The following JAKMIP2 variants were observed in gnomAD, a reference collection of about 807,000 sequenced individuals.
The protein encoded by JAKMIP2 is janus kinase and microtubule-interacting protein 2.
A neutral mutation model predicts 115.0 loss-of-function variants in JAKMIP2; 25 were observed. That is an observed-to-expected ratio of 0.22 (90% CI 0.16 to 0.30). The LOEUF is 0.30. Among genes scored for constraint, JAKMIP2 ranks in the 10% least tolerant of loss-of-function variants. The probability of loss-of-function intolerance (pLI) is 1.00; values close to 1 mark genes in which losing one functional copy is unlikely to be tolerated. For synonymous variants in JAKMIP2, 334 were observed against 343.6 expected, an observed-to-expected ratio of 0.97 and a Z score of 0.31; for missense variants, 642 against 957.6, an observed-to-expected ratio of 0.67 and a Z score of 4.35.
intron 20 of JAKMIP2, among the ~76,000 whole-genome samples, chr5:147,607,693 T>C (rs1246926726): frequency 6.6e-6 from 1 of 152,194 alleles, no homozygotes; most frequent in Admixed American, 6.5e-5. Context: ...CCTCATAAAA[T>C]GAGTTAGGGA....
In JAKMIP2 at chr5:147,782,664, GGCAGCA is replaced by G. The variant is rs3840518; in HGVS notation, c.-363_-358del. On this transcript the variant is annotated 5_prime_UTR_variant, in exon 1 of 22. Transcript: ENST00000616793. ...TATCAGCAATAGAGGCGGCGGCGGC[GGCAGCA>G]GCAGCAGCAGCAGCATCACCAGTTG... The G allele has an allele frequency of 3.1e-6, 2 of 636,428 alleles. No homozygotes were observed. The highest frequency in any genetic ancestry group is 3.0e-5 in the East Asian group (1 of 33,740). The allele number at this position is 636,428 out of a possible 1,614,324, so 39.4% of individuals were successfully genotyped here.
chr5:147,660,582 T>C (rs145217981), intron 3 of JAKMIP2: 1 of 388,552 alleles, frequency 2.6e-6, no homozygotes, highest in East Asian at 7.2e-5. Context: ...CACAAAAACA[T>C]GCTGACTTTA....
Position 147,731,227 on chromosome 5 carries a change from T to C in JAKMIP2, c.-149+51229A>G, listed in dbSNP as rs190039746. 8.5e-5 allele frequency among the ~76,000 whole-genome samples: 13 copies of C among 152,238 alleles called. No individual in the cohort carries two copies. In the East Asian group the frequency reaches 2.3e-3, roughly 27 times the overall value. On this transcript the variant is annotated intron_variant, in intron 1 of 21. Coordinates refer to ENST00000616793, the MANE Select transcript of JAKMIP2 (RefSeq NM_001270941.2). ...CTGGTTTGACCATAAAAGGCACTGC[T>C]TGGAATTTTTAGAAAAAGAAATCAT...
At chr5:147,661,657 G>C in intron 2 of JAKMIP2, 2 of 543,462 alleles carry the variant, frequency 3.7e-6, no homozygotes, top group South Asian at 5.0e-5. Flanking sequence ...ATATTACTTT[G>C]TTCAGATGAA....
intron 1 of JAKMIP2, among the ~76,000 whole-genome samples, chr5:147,720,583 C>T (rs1753229538): frequency 1.3e-5 from 2 of 151,934 alleles, no homozygotes; most frequent in African/African-American, 2.4e-5. Flanking sequence ...TCCCTTCTCA[C>T]TTCATTTCAT....
At chr5:147,643,261 A>G (rs1342928626) in intron 7 of JAKMIP2, among the ~76,000 whole-genome samples, 2 of 152,176 alleles carry the variant, frequency 1.3e-5, no homozygotes, top group Admixed American at 6.5e-5. Context: ...ATGAATCATA[A>G]GTAATTATAA....
rs768172563 is a variant in JAKMIP2, at chr5:147,671,845, T to G, written c.-39A>C. ...ATGGAGTCTGTTGGTTTTTAATTTC[T>G]TTCAAGCAGGTGCTGCCATGTTACT... On this transcript the variant is annotated 5_prime_UTR_variant, in exon 2 of 22. Transcript: ENST00000616793. 2.3e-5 allele frequency: 34 copies of G among 1,505,374 alleles called. No homozygotes were observed. The East Asian group carries it at 2.5e-4, about 11-fold the overall frequency. The allele number at this position is 1,505,374 out of a possible 1,614,324, so 93.3% of individuals were successfully genotyped here. A position where few individuals can be genotyped will look rare whatever the true frequency, so the allele number is the denominator to read the frequency against.
At chr5:147,733,718 G>A (rs575950401) in intron 1 of JAKMIP2, among the ~76,000 whole-genome samples, 4 of 152,086 alleles carry the variant, frequency 2.6e-5, no homozygotes, top group Non-Finnish European at 5.9e-5. Flanking sequence ...TGCAGTGTTC[G>A]GTTTTCTGCT....
intron 1 of JAKMIP2, among the ~76,000 whole-genome samples, chr5:147,684,134 A>G (rs1760455716): frequency 6.6e-6 from 1 of 152,206 alleles, no homozygotes; most frequent in Admixed American, 6.5e-5. Flanking sequence ...AATGGAAGGT[A>G]GTCAACGTAT....
chr5:147,709,654 G>A (rs1003427009), intron 1 of JAKMIP2, among the ~76,000 whole-genome samples: 9 of 152,164 alleles, frequency 5.9e-5, no homozygotes, highest in African/African-American at 2.2e-4. Context: ...TTCAAGACCA[G>A]CTTGGCCAAG....
At position 147,769,148 on chromosome 5, in the gene JAKMIP2, C is replaced by G. The variant is rs563618359; in HGVS notation, c.-149+13308G>C. ...CTCCGCCTGGCACACAGCAGGTGCT[C>G]ATTCAGTACTCCTCCTTTGTACAAC... On this transcript the variant is annotated intron_variant, in intron 1 of 21. Coordinates refer to ENST00000616793, the MANE Select transcript of JAKMIP2 (RefSeq NM_001270941.2). Among the ~76,000 whole-genome samples, 18 of 152,184 alleles carry G rather than the reference C, an allele frequency of 1.2e-4. No homozygotes were observed. The Middle Eastern group carries it at 0.01, about 86-fold the overall frequency.
At chr5:147,604,042 C>CAG (rs1366196572) in intron 20 of JAKMIP2, among the ~76,000 whole-genome samples, 7 of 151,904 alleles carry the variant, frequency 4.6e-5, no homozygotes, top group South Asian at 2.1e-4. Flanking sequence ...TATGAATTAG[C>CAG]AGAGAGAGAG....
intron 3 of JAKMIP2, among the ~76,000 whole-genome samples, chr5:147,652,249 C>T (rs934235057): frequency 2.0e-5 from 3 of 152,020 alleles, no homozygotes; most frequent in African/African-American, 4.8e-5. Context: ...GTTGTGAAGC[C>T]GTATTTTTAA....
intron 20 of JAKMIP2, among the ~76,000 whole-genome samples, chr5:147,610,740 G>A (rs1756274711): frequency 6.6e-6 from 1 of 152,230 alleles, no homozygotes; most frequent in Admixed American, 6.5e-5. Flanking sequence ...TCTCTTCAGA[G>A]CCAGCAGGCA....
intron 1 of JAKMIP2, among the ~76,000 whole-genome samples, chr5:147,685,011 G>A (rs1760501345): frequency 6.6e-6 from 1 of 152,150 alleles, no homozygotes; most frequent in Non-Finnish European, 1.5e-5. Context: ...GTACAATGCA[G>A]CAATTTTTGT....
rs12655622 is a variant in JAKMIP2, at chr5:147,605,505, G to A, written c.2413-3694C>T. Among the ~76,000 whole-genome samples the A allele has an allele frequency of 6.4e-3, 976 of 152,256 alleles. 51 individuals carry two copies. The East Asian group carries it at 0.13, about 20-fold the overall frequency. On this transcript the variant is annotated intron_variant, in intron 20 of 21. Coordinates refer to ENST00000616793, the MANE Select transcript of JAKMIP2 (RefSeq NM_001270941.2). ...ATTACAGGTGTGAGCCACCGGGCCT[G>A]GGCCTGTGCCACATTTTCTTTTTCC...
At chr5:147,629,878 A>G in intron 14 of JAKMIP2, 132 bp from the exon 15 acceptor site, 1 of 641,342 alleles carries the variant, frequency 1.6e-6, no homozygotes, top group Non-Finnish European at 2.7e-6. Context: ...TGGCACACCT[A>G]GTTTTAAGTT....
intron 3 of JAKMIP2, among the ~76,000 whole-genome samples, chr5:147,655,182 C>T (rs1336746820): frequency 1.3e-5 from 2 of 151,876 alleles, no homozygotes; most frequent in African/African-American, 2.4e-5. Context: ...GTTGTCTCTC[C>T]TAGGTTTTGG....
intron 20 of JAKMIP2, among the ~76,000 whole-genome samples, chr5:147,602,828 T>C (rs1404858122): frequency 6.6e-6 from 1 of 152,216 alleles, no homozygotes; most frequent in Non-Finnish European, 1.5e-5. Context: ...ATTGTGAATG[T>C]TATTAGCATA....
Sources: gnomAD v4.1 joint callset for allele counts (sites outside exome capture counted in the v4.1 genomes callset) on GRCh38, gnomAD v4.1.1 for gene constraint, MANE v1.5 for transcripts, NCBI Gene and HGNC (gene_info 2026-07-23, HGNC 2026-07-21) for gene names.